ZC3H12B: variants seen among roughly 807,000 people sequenced by gnomAD.
ZC3H12B encodes zinc finger CCCH-type containing 12B.
In ZC3H12B, 7 loss-of-function variants were observed where a neutral mutation model predicts 43.9. That is an observed-to-expected ratio of 0.16 (90% confidence interval 0.09 to 0.30). The LOEUF (loss-of-function observed/expected upper bound fraction) is 0.30, where lower values mean the gene tolerates loss of function less well. Ranked by LOEUF, ZC3H12B falls within the 10% of genes least tolerant of loss-of-function variation. ZC3H12B has a pLI of 1.00. For missense variants in ZC3H12B, 475 were observed against 670.2 expected, an observed-to-expected ratio of 0.71 and a Z score of 3.22; for synonymous variants, 222 against 241.7, an observed-to-expected ratio of 0.92 and a Z score of 0.76.
At chrX:65,094,563 A>T in the ZC3H12B span, among the ~76,000 whole-genome samples, 1 of 111,757 alleles carries the variant, frequency 8.9e-6, no homozygotes, top group African/African-American at 3.3e-5. Flanking sequence ...TTGGATTTTT[A>T]AAAAATGTTT....
the ZC3H12B span, among the ~76,000 whole-genome samples, chrX:65,232,524 C>T: frequency 1.8e-5 from 2 of 111,745 alleles, no homozygotes; most frequent in African/African-American, 3.3e-5. Flanking sequence ...AAGTTATCCT[C>T]GGTTTAAAAT....
chrX:65,427,060 T>A (rs2067091701), intron 3 of ZC3H12B, among the ~76,000 whole-genome samples: 1 of 111,401 alleles, frequency 9.0e-6, no homozygotes. Flanking sequence ...GTCAGTGGGG[T>A]GTTAAAGTCT....
At chrX:65,451,602 A>T (rs2067513808) in intron 3 of ZC3H12B, among the ~76,000 whole-genome samples, 1 of 111,089 alleles carries the variant, frequency 9.0e-6, no homozygotes, top group Admixed American at 9.6e-5. Context: ...AGCCTTCCAA[A>T]GTGTTTGTAT....
At chrX:65,189,196 T>A in the ZC3H12B span, among the ~76,000 whole-genome samples, 2 of 105,667 alleles carry the variant, frequency 1.9e-5, no homozygotes, top group Non-Finnish European at 3.9e-5. Context: ...CAGTCTATCA[T>A]TGTTGGACAT....
At chrX:65,297,437 C>A in the ZC3H12B span, among the ~76,000 whole-genome samples, 1 of 110,839 alleles carries the variant, frequency 9.0e-6, no homozygotes, top group African/African-American at 3.3e-5. Flanking sequence ...ATATACCTAA[C>A]CAAGGAGGTG....
At chrX:65,131,179 C>A in the ZC3H12B span, among the ~76,000 whole-genome samples, 9 of 111,413 alleles carry the variant, frequency 8.1e-5, no homozygotes, top group South Asian at 1.9e-3. Flanking sequence ...TGGAGTGGGG[C>A]AGAGTGGTAG....
At chrX:65,062,103 A>G in the ZC3H12B span, among the ~76,000 whole-genome samples, 21 of 111,953 alleles carry the variant, frequency 1.9e-4, no homozygotes, top group East Asian at 5.9e-3. Context: ...TTTTCTCCCA[A>G]TCTGCAGATT....
At chrX:65,294,555 G>C in the ZC3H12B span, among the ~76,000 whole-genome samples, 1 of 111,561 alleles carries the variant, frequency 9.0e-6, no homozygotes, top group Non-Finnish European at 1.9e-5. Flanking sequence ...AAAGGAAACA[G>C]AATGGAGGAA....
chrX:65,395,892 G>T (rs112390003), intron 2 of ZC3H12B, among the ~76,000 whole-genome samples: 2 of 111,366 alleles, frequency 1.8e-5, no homozygotes, highest in African/African-American at 3.3e-5. Context: ...TCAGGTATGC[G>T]ACTTCTCTCA....
intron 3 of ZC3H12B, among the ~76,000 whole-genome samples, chrX:65,436,838 A>G (rs758755288): frequency 2.7e-5 from 3 of 111,763 alleles, no homozygotes; most frequent in African/African-American, 6.5e-5. Flanking sequence ...TGTGTTACGA[A>G]CATTCCAATT....
chrX:65,382,405 C>G (rs1315396162), intron 2 of ZC3H12B, among the ~76,000 whole-genome samples: 1 of 111,109 alleles, frequency 9.0e-6, no homozygotes, highest in Non-Finnish European at 1.9e-5. Context: ...TTCAACAACC[C>G]TTCATGCTAA....
chrX:65,320,933 A>C, the ZC3H12B span, among the ~76,000 whole-genome samples: 3 of 112,523 alleles, frequency 2.7e-5, no homozygotes, highest in African/African-American at 9.7e-5. Flanking sequence ...AAAACCAAAA[A>C]CTATGAAAAC....
chrX:65,258,965 T>C, the ZC3H12B span, among the ~76,000 whole-genome samples: 41 of 111,957 alleles, frequency 3.7e-4, no homozygotes, highest in African/African-American at 1.3e-3. Flanking sequence ...ATAGGAAGAA[T>C]CTATATCATT....
At chrX:65,158,011 G>A in the ZC3H12B span, among the ~76,000 whole-genome samples, 1 of 100,644 alleles carries the variant, frequency 9.9e-6, no homozygotes, top group Admixed American at 1.2e-4. Flanking sequence ...CTATGAGTGA[G>A]AACATGCTGT....
the ZC3H12B span, among the ~76,000 whole-genome samples, chrX:65,318,580 C>A: frequency 3.0e-4 from 33 of 110,108 alleles, no homozygotes; most frequent in African/African-American, 1.0e-3. Flanking sequence ...CCACCACACC[C>A]GACTAATTTT....
chrX:65,341,092 G>T, the ZC3H12B span, among the ~76,000 whole-genome samples: 1 of 112,033 alleles, frequency 8.9e-6, no homozygotes, highest in Non-Finnish European at 1.9e-5. Context: ...AATAGACCAA[G>T]CTGAGGAGAG....
At chrX:65,304,388 G>A in the ZC3H12B span, among the ~76,000 whole-genome samples, 7 of 111,677 alleles carry the variant, frequency 6.3e-5, no homozygotes, top group African/African-American at 2.0e-4. Context: ...AGGCCAAGAC[G>A]AGTGGATCAC....
intron 3 of ZC3H12B, among the ~76,000 whole-genome samples, chrX:65,450,790 TATATATATAC>T (rs1316080034): frequency 8.5e-4 from 52 of 61,307 alleles, no homozygotes; most frequent in South Asian, 1.7e-3. Flanking sequence ...TGTATATATG[TATATATATAC>T]ATATGTGTAT....
chrX:65,407,208 C>T (rs2148059485), intron 3 of ZC3H12B, among the ~76,000 whole-genome samples: 1 of 112,776 alleles, frequency 8.9e-6, no homozygotes, highest in African/African-American at 3.2e-5. Context: ...GGGTCCGGAG[C>T]GGCCGGGCCG....
Sources: allele counts gnomAD v4.1 joint callset (sites outside exome capture counted in the v4.1 genomes callset), GRCh38; gene constraint gnomAD v4.1.1; transcripts MANE v1.5; gene names NCBI Gene and HGNC (gene_info 2026-07-23, HGNC 2026-07-21).